The following TPRG1 variants were observed in gnomAD, a reference collection of about 807,000 sequenced individuals.
TPRG1 encodes tumor protein p63-regulated gene 1 protein.
A neutral mutation model predicts 29.3 loss-of-function variants in TPRG1; 29 were observed. That is an observed-to-expected ratio of 0.99 (90% CI 0.74 to 1.35). The LOEUF (loss-of-function observed/expected upper bound fraction) is 1.35. Among genes scored for constraint, TPRG1 ranks in the 40% most tolerant of loss-of-function variants. The pLI is 0.00. For synonymous variants in TPRG1, 130 were observed against 116.8 expected (o/e 1.11, Z -0.73); for missense variants, 327 against 335.0 (o/e 0.98, Z 0.19).
At chr3:189,264,985 A>G (rs1248792681) in intron 4 of TPRG1, among the ~76,000 whole-genome samples, 2 of 152,236 alleles carry the variant, frequency 1.3e-5, no homozygotes, top group African/African-American at 4.8e-5. Context: ...CACAGGGGTA[A>G]GACAACAGCA....
intron 1 of TPRG1, among the ~76,000 whole-genome samples, chr3:189,205,223 C>T (rs2108795743): frequency 6.6e-6 from 1 of 152,312 alleles, no homozygotes; most frequent in Non-Finnish European, 1.5e-5. Context: ...GACTAAGTAG[C>T]TCTTCTAGGA....
intron 4 of TPRG1, among the ~76,000 whole-genome samples, chr3:189,049,541 C>A (rs1011026044): frequency 1.3e-5 from 2 of 152,106 alleles, no homozygotes; most frequent in Non-Finnish European, 2.9e-5. Context: ...CCTGCCCCCA[C>A]CTGACGGTCC....
At chr3:189,189,510 G>C (rs1245951231) in intron 1 of TPRG1, among the ~76,000 whole-genome samples, 1 of 151,984 alleles carries the variant, frequency 6.6e-6, no homozygotes, top group African/African-American at 2.4e-5. Flanking sequence ...TTGCCCCTGG[G>C]AGATGATGAG....
At chr3:189,076,425 T>G (rs1403908597) in intron 4 of TPRG1, among the ~76,000 whole-genome samples, 2 of 152,190 alleles carry the variant, frequency 1.3e-5, no homozygotes, top group East Asian at 3.8e-4. Flanking sequence ...CTTGCAGTTC[T>G]AATGATCTGT....
intron 3 of TPRG1, among the ~76,000 whole-genome samples, chr3:189,013,586 G>C (rs2152123158): frequency 6.6e-6 from 1 of 152,220 alleles, no homozygotes; most frequent in South Asian, 2.1e-4. Context: ...GTTATTTTCT[G>C]TCTTGATGAT....
intron 4 of TPRG1, among the ~76,000 whole-genome samples, chr3:189,060,875 C>T (rs142229422): frequency 5.7e-4 from 86 of 152,206 alleles, no homozygotes; most frequent in African/African-American, 1.9e-3. Context: ...CTGCCCAAAG[C>T]ATTGTACGGA....
intron 4 of TPRG1, among the ~76,000 whole-genome samples, chr3:189,045,686 A>G (rs571322309): frequency 6.6e-6 from 1 of 152,278 alleles, no homozygotes; most frequent in South Asian, 2.1e-4. Context: ...AATATTATAT[A>G]TTTTTCCTTG....
At chr3:189,134,891 T>C (rs911426456) in intron 3 of TPRG1, among the ~76,000 whole-genome samples, 2 of 152,206 alleles carry the variant, frequency 1.3e-5, no homozygotes, top group Admixed American at 6.5e-5. Context: ...ATCAGTAAAG[T>C]ACATGACAAG....
intron 4 of TPRG1, among the ~76,000 whole-genome samples, chr3:189,278,926 A>G (rs1356006774): frequency 6.6e-6 from 1 of 152,228 alleles, no homozygotes; most frequent in Non-Finnish European, 1.5e-5. Context: ...TCATATTCCT[A>G]AGAAGTGTAT....
At chr3:189,048,897 C>T (rs2152138286) in intron 4 of TPRG1, among the ~76,000 whole-genome samples, 1 of 152,306 alleles carries the variant, frequency 6.6e-6, no homozygotes, top group East Asian at 1.9e-4. Context: ...GATCTGTTTG[C>T]AGGAGAAGTT....
chr3:189,099,396 G>T (rs1353254517), upstream of TPRG1, among the ~76,000 whole-genome samples: 1 of 152,070 alleles, frequency 6.6e-6, no homozygotes, highest in Non-Finnish European at 1.5e-5. Context: ...AATAGGAGGG[G>T]TTGTGGGTGG....
chr3:189,201,714 A>T (rs1459888452), intron 1 of TPRG1, among the ~76,000 whole-genome samples: 1 of 151,774 alleles, frequency 6.6e-6, no homozygotes, highest in East Asian at 1.9e-4. Flanking sequence ...CAGTAGTGTG[A>T]TCTCAGCTCA....
At chr3:189,308,449 G>A (rs1200871914) in intron 4 of TPRG1, among the ~76,000 whole-genome samples, 1 of 152,204 alleles carries the variant, frequency 6.6e-6, no homozygotes, top group African/African-American at 2.4e-5. Flanking sequence ...ATAGCACTGT[G>A]ATACTAACAG....
Position 189,009,495 on chromosome 3 carries a change from T to C in TPRG1, c.-660+4735T>C, listed in dbSNP as rs1025074646. On this transcript the variant is annotated intron_variant, in intron 3 of 10. Coordinates refer to the TPRG1 transcript ENST00000433971. The stretch of plus-strand genomic sequence containing the variant: ...GCCTGCGAAATTGGATAAGTAAAAA[T>C]TCTACTCAGTGAAAAGGTCTCTTTT... Among the ~76,000 whole-genome samples the C allele has an allele frequency of 9.9e-5, 15 of 152,206 alleles. No individual in the cohort carries two copies. The South Asian group carries it at 2.1e-3, about 21-fold the overall frequency.
At chr3:189,026,532 G>T (rs1182638330) in intron 4 of TPRG1, among the ~76,000 whole-genome samples, 1 of 152,148 alleles carries the variant, frequency 6.6e-6, no homozygotes, top group African/African-American at 2.4e-5. Flanking sequence ...TATTGGGGAA[G>T]TTTTTTCTTT....
At chr3:189,291,144 G>A (rs557179039) in intron 4 of TPRG1, among the ~76,000 whole-genome samples, 8 of 151,922 alleles carry the variant, frequency 5.3e-5, no homozygotes, top group South Asian at 4.2e-4. Flanking sequence ...CTCGTGATCC[G>A]CCTGCCTCAG....
At chr3:189,201,451 G>A (rs1311812966) in intron 1 of TPRG1, among the ~76,000 whole-genome samples, 1 of 152,186 alleles carries the variant, frequency 6.6e-6, no homozygotes, top group Non-Finnish European at 1.5e-5. Context: ...CCGGTAGGCA[G>A]AGAGGGCCAG....
intron 4 of TPRG1, among the ~76,000 whole-genome samples, chr3:189,268,512 C>T (rs1014795486): frequency 1.3e-5 from 2 of 152,150 alleles, no homozygotes; most frequent in Non-Finnish European, 2.9e-5. Context: ...AAGTTGTTGC[C>T]TAAGAATTCC....
intron 4 of TPRG1, among the ~76,000 whole-genome samples, chr3:189,257,877 G>C (rs570676361): frequency 1.7e-4 from 26 of 152,216 alleles, no homozygotes; most frequent in African/African-American, 6.0e-4. Context: ...CTATAAACTG[G>C]TTAGTCTAGT....
Sources: allele counts gnomAD v4.1 joint callset (sites outside exome capture counted in the v4.1 genomes callset), GRCh38; gene constraint gnomAD v4.1.1; transcripts MANE v1.5; gene names NCBI Gene and HGNC (gene_info 2026-07-23, HGNC 2026-07-21).